The following NELL2 variants were observed in gnomAD, a reference collection of about 807,000 sequenced individuals.
The protein encoded by NELL2 is protein kinase C-binding protein NELL2.
In NELL2, 41 loss-of-function variants were observed where a neutral mutation model predicts 109.6. That is an observed-to-expected ratio of 0.37 (90% CI 0.29 to 0.49). NELL2 has a LOEUF of 0.49. Ranked by LOEUF, NELL2 falls within the 20% of genes least tolerant of loss-of-function variation. The pLI, the probability that NELL2 is intolerant of heterozygous loss-of-function variation, is 0.98. For missense variants in NELL2, 900 were observed against 1,008.3 expected, an observed-to-expected ratio of 0.89 and a Z score of 1.45; for synonymous variants, 355 against 344.7, an observed-to-expected ratio of 1.03 and a Z score of -0.33.
upstream of NELL2, among the ~76,000 whole-genome samples, chr12:44,914,889 G>A (rs192062573): frequency 1.2e-4 from 18 of 150,874 alleles, no homozygotes; most frequent in Admixed American, 1.1e-3. Context: ...TCCATCTGTC[G>A]CCCAGGCTGG....
chr12:44,696,944 T>G (rs1276544818), intron 12 of NELL2, among the ~76,000 whole-genome samples: 1 of 152,170 alleles, frequency 6.6e-6, no homozygotes, highest in African/African-American at 2.4e-5. Flanking sequence ...ACATCTGAAT[T>G]AATAAATAAC....
chr12:44,696,649 T>C (rs1949070449), intron 12 of NELL2, among the ~76,000 whole-genome samples: 1 of 152,204 alleles, frequency 6.6e-6, no homozygotes, highest in African/African-American at 2.4e-5. Context: ...CAAAAGTCAG[T>C]ATCATGATTA....
chr12:44,765,511 G>A (rs1370532892), intron 9 of NELL2, among the ~76,000 whole-genome samples: 1 of 152,162 alleles, frequency 6.6e-6, no homozygotes, highest in African/African-American at 2.4e-5. Context: ...AGCAACTGAG[G>A]TGAAACGGGT....
chr12:44,737,594 A>T (rs1429946026), intron 9 of NELL2, among the ~76,000 whole-genome samples: 1 of 152,146 alleles, frequency 6.6e-6, no homozygotes. Flanking sequence ...TGGTAAATAC[A>T]TAAGTCCAGC....
chr12:44,850,532 TAC>T (rs1286748369), intron 2 of NELL2, among the ~76,000 whole-genome samples: 1 of 152,078 alleles, frequency 6.6e-6, no homozygotes, highest in Non-Finnish European at 1.5e-5. Context: ...TTTTGAAGAT[TAC>T]AGTCAATTAG....
intron 15 of NELL2, among the ~76,000 whole-genome samples, chr12:44,539,862 G>A (rs575052915): frequency 2.6e-5 from 4 of 152,082 alleles, no homozygotes; most frequent in African/African-American, 7.2e-5. Flanking sequence ...ATGAATAGAC[G>A]AATGAATAGT....
At chr12:44,857,443 A>T (rs1318823337) in intron 2 of NELL2, among the ~76,000 whole-genome samples, 1 of 152,190 alleles carries the variant, frequency 6.6e-6, no homozygotes, top group Non-Finnish European at 1.5e-5. Flanking sequence ...CACTTCACAA[A>T]GATCCACTTC....
chr12:44,689,896 TG>T (rs1276979095), intron 12 of NELL2, among the ~76,000 whole-genome samples: 1 of 152,160 alleles, frequency 6.6e-6, no homozygotes, highest in Non-Finnish European at 1.5e-5. Flanking sequence ...TGAGAAACCC[TG>T]GTTAAAACAA....
At chr12:44,864,589 G>A (rs912106789) in intron 2 of NELL2, among the ~76,000 whole-genome samples, 1 of 152,098 alleles carries the variant, frequency 6.6e-6, no homozygotes, top group Non-Finnish European at 1.5e-5. Flanking sequence ...TCTAAAAGAA[G>A]AGATAGACTG....
intron 2 of NELL2, among the ~76,000 whole-genome samples, chr12:44,824,347 A>G (rs1472339734): frequency 3.3e-5 from 5 of 152,160 alleles, no homozygotes; most frequent in Non-Finnish European, 7.4e-5. Flanking sequence ...GGCCTAGACC[A>G]ATGTCAAGAA....
intron 3 of NELL2, among the ~76,000 whole-genome samples, chr12:44,791,089 ATATATATGTATATATATATG>A (rs1942379070): frequency 8.3e-5 from 1 of 12,120 alleles, no homozygotes; most frequent in Admixed American, 1.9e-3. Context: ...ATACATATAT[ATATATATGTATATATATATG>A]TATATATATA....
At chr12:44,669,793 T>A (rs542775193) in intron 12 of NELL2, among the ~76,000 whole-genome samples, 17 of 152,220 alleles carry the variant, frequency 1.1e-4, no homozygotes, top group African/African-American at 4.1e-4. Flanking sequence ...AAAATTTGAA[T>A]TTTGGGAGTT....
intron 15 of NELL2, among the ~76,000 whole-genome samples, chr12:44,591,133 T>C (rs1344119561): frequency 6.6e-6 from 1 of 152,140 alleles, no homozygotes; most frequent in Non-Finnish European, 1.5e-5. Context: ...TAACAAATGC[T>C]GGCAAGGATG....
upstream of NELL2, among the ~76,000 whole-genome samples, chr12:44,879,647 T>C (rs1945388624): frequency 6.6e-6 from 1 of 151,882 alleles, no homozygotes. Context: ...AGAGTGGGAT[T>C]TTAACATCCA....
At chr12:44,560,236 A>G (rs930111781) in intron 15 of NELL2, among the ~76,000 whole-genome samples, 2 of 152,222 alleles carry the variant, frequency 1.3e-5, no homozygotes, top group African/African-American at 2.4e-5. Flanking sequence ...TAAAGATCTA[A>G]AATTAACACC....
At chr12:44,890,311 G>A (rs573793543) in intron 1 of NELL2, among the ~76,000 whole-genome samples, 2 of 152,240 alleles carry the variant, frequency 1.3e-5, no homozygotes, top group Non-Finnish European at 2.9e-5. Flanking sequence ...TATTCACAGC[G>A]CTAAGTACAG....
rs192733370 is a variant in NELL2 at position 44,845,641 on chromosome 12, C to A, written c.185-29505G>T. 4.0e-4 allele frequency among the ~76,000 whole-genome samples: 61 copies of A among 152,206 alleles called. 1 individual carries two copies. Among genetic ancestry groups the A allele is most frequent in the Admixed American group, 3.1e-3 (47 of 15,282 alleles). ...AAGGTAAAAATCCTCATTTTAAATTCAATGGAAACTGAATTTCTGAAGTGA... is the reference window on the plus strand; with the variant it reads ...AAGGTAAAAATCCTCATTTTAAATTAAATGGAAACTGAATTTCTGAAGTGA... On this transcript the variant is annotated intron_variant, in intron 2 of 19. Transcript: ENST00000429094.
chr12:44,582,789 T>C (rs985302833), intron 15 of NELL2, among the ~76,000 whole-genome samples: 1 of 152,170 alleles, frequency 6.6e-6, no homozygotes. Context: ...TGTTGGAAAC[T>C]GAATTTCTAA....
chr12:44,753,522 A>G (rs542495538), intron 9 of NELL2, among the ~76,000 whole-genome samples: 11 of 152,218 alleles, frequency 7.2e-5, no homozygotes, highest in Non-Finnish European at 1.2e-4. Context: ...GGTAAGCTGC[A>G]AAGTATTTTT....
Sources: gnomAD v4.1 joint callset for allele counts (sites outside exome capture counted in the v4.1 genomes callset) on GRCh38, gnomAD v4.1.1 for gene constraint, MANE v1.5 for transcripts, NCBI Gene and HGNC (gene_info 2026-07-23, HGNC 2026-07-21) for gene names.